SLU7: variants seen among roughly 807,000 people sequenced by gnomAD.
SLU7 encodes spliceosome associated SLU7, also known as pre-mRNA-splicing factor SLU7.
SLU7 carries 60 observed loss-of-function variants against 87.0 expected under a neutral mutation model. That is an observed-to-expected ratio of 0.69 (90% CI 0.56 to 0.86). SLU7 has a LOEUF of 0.86. Ranked by LOEUF, SLU7 falls within the 40% of genes least tolerant of loss-of-function variation. SLU7 has a pLI of 0.00. For synonymous variants in SLU7, 197 were observed against 222.0 expected (o/e 0.89, Z 1.00); for missense variants, 507 against 686.6 (o/e 0.74, Z 2.92).
intron 11 of SLU7, 84 bp from the exon 12 acceptor site, chr5:160,406,713 A>C: frequency 6.3e-6 from 7 of 1,107,524 alleles, no homozygotes; most frequent in Non-Finnish European, 8.9e-6. Context: ...TTCTAATCAG[A>C]AAGAAAGGGA....
intron 6 of SLU7, 78 bp from the exon 7 acceptor site, chr5:160,408,775 GTAT>G (rs927458540): frequency 2.6e-4 from 89 of 336,136 alleles, no homozygotes; most frequent in Admixed American, 5.8e-4. Context: ...AGATAATAAA[GTAT>G]TATTATCTTA....
At position 160,413,478 on chromosome 5, in the gene SLU7, T is replaced by G. The variant is rs201804700; in HGVS notation, c.548A>C (p.Glu183Ala). Residue 183 changes from glutamate to alanine, a missense_variant, in exon 5 of 16, where the codon GAA becomes GCA. By Grantham distance (107) the Glu-to-Ala change is moderately radical. Transcript: ENST00000297151. ...CACCAAATCAACTTTGGCATACTCTTCAACAATTTTCATGTGTTCTTCTGG... is the reference window on the plus strand; with the variant it reads ...CACCAAATCAACTTTGGCATACTCTGCAACAATTTTCATGTGTTCTTCTGG... ...YNPEEHMKIVEEYAKVDLAKR... is the reference protein window; with the variant it reads ...YNPEEHMKIVAEYAKVDLAKR... The G allele has an allele frequency of 1.2e-6, 2 of 1,613,500 alleles. No individual in the cohort carries two copies. The highest frequency in any genetic ancestry group is 1.3e-5 in the African/African-American group (1 of 74,984).
Position 160,407,174 on chromosome 5 carries a change from A to C in SLU7, c.1125+302T>G, listed in dbSNP as rs945290532. Among the ~76,000 whole-genome samples the C allele has an allele frequency of 6.6e-6, 1 of 152,236 alleles. No homozygotes were observed. The highest frequency in any genetic ancestry group is 2.4e-5 in the African/African-American group (1 of 41,470). ...ACAATTAGCCTGTTAACTGCTAAAC[A>C]CAAGAGTGAGGCCATCTTAGTTCAT... On this transcript the variant is annotated intron_variant, in intron 11 of 15. Coordinates refer to ENST00000297151, the MANE Select transcript of SLU7 (RefSeq NM_006425.5). This position sits in a 1 kb window ranked among gnomAD's most constrained non-coding sequence, Gnocchi z 4.2.
chr5:160,414,167 C>A, intron 3 of SLU7, 152 bp downstream of exon 3: 2 of 738,916 alleles, frequency 2.7e-6, no homozygotes, highest in Non-Finnish European at 4.3e-6. Context: ...ATAAGAAACA[C>A]AAAGATAAAA....
Position 160,407,743 on chromosome 5 carries a change from T to C in SLU7, c.985+3A>G. 6.2e-7 allele frequency: 1 copy of C among 1,612,192 alleles called. No homozygotes were observed. Among genetic ancestry groups the C allele is most frequent in the South Asian group, 1.1e-5 (1 of 90,886 alleles). ...AATGGCTTGACATAGAGGAAACACTTACACTGTGTCTGAGCCATTGAAATG... is the reference window on the plus strand; with the variant it reads ...AATGGCTTGACATAGAGGAAACACTCACACTGTGTCTGAGCCATTGAAATG... On this transcript the variant is annotated splice_donor_region_variant and intron_variant, in intron 10 of 15. Coordinates refer to ENST00000297151, the MANE Select transcript of SLU7 (RefSeq NM_006425.5). This position sits in a 1 kb window ranked among gnomAD's most constrained non-coding sequence, Gnocchi z 4.2.
In SLU7 at chr5:160,413,980, C is replaced by A; in HGVS notation, c.325-1G>T. ...TGCGGTACTTAGTAATTATGGAATTCTATAAATATATATAAAGAAAAACAA... is the reference window on the plus strand; with the variant it reads ...TGCGGTACTTAGTAATTATGGAATTATATAAATATATATAAAGAAAAACAA... On this transcript the variant is annotated splice_acceptor_variant, in intron 3 of 15. Coordinates refer to ENST00000297151, the MANE Select transcript of SLU7 (RefSeq NM_006425.5). LOFTEE classifies it high-confidence loss of function. 1 of 1,537,960 alleles carries A rather than the reference C, an allele frequency of 6.5e-7. No homozygotes were observed. The highest frequency in any genetic ancestry group is 1.2e-5 in the South Asian group (1 of 80,038).
At chr5:160,410,863 A>C (rs183147215) in intron 6 of SLU7, among the ~76,000 whole-genome samples, 105 of 135,804 alleles carry the variant, frequency 7.7e-4, no homozygotes, top group African/African-American at 2.5e-3. Context: ...TCAGAGAGGC[A>C]AATTCACTTT....
chr5:160,403,152 G>A lies in SLU7; in HGVS notation c.*133C>T, dbSNP rs1297520102. On this transcript the variant is annotated 3_prime_UTR_variant, in exon 16 of 16. Coordinates refer to ENST00000297151, the MANE Select transcript of SLU7 (RefSeq NM_006425.5). ...GTATGGAAAGGAGTGAACTTACTGT[G>A]AGGCATCTGAAATATTTATTAAAGC... 9 of 574,846 alleles carry A rather than the reference G, an allele frequency of 1.6e-5. No homozygotes were observed. The highest frequency in any genetic ancestry group is 2.6e-5 in the Non-Finnish European group (9 of 349,094). The allele number at this position is 574,846 out of a possible 1,614,324, so 35.6% of individuals were successfully genotyped here. A position where few individuals can be genotyped will look rare whatever the true frequency, so the allele number is the denominator to read the frequency against.
chr5:160,408,927 GAACA>G (rs1380823471), intron 6 of SLU7, among the ~76,000 whole-genome samples: 3 of 148,566 alleles, frequency 2.0e-5, no homozygotes, highest in South Asian at 2.1e-4. Context: ...AATTCTAACT[GAACA>G]AACTCTCACA....
At chr5:160,416,567 A>G (rs1765465352) in intron 1 of SLU7, among the ~76,000 whole-genome samples, 1 of 152,184 alleles carries the variant, frequency 6.6e-6, no homozygotes, top group Non-Finnish European at 1.5e-5. Context: ...TCCCTATCTT[A>G]ATGAAAGACA....
rs373585306 is a variant in SLU7, at chr5:160,403,969, T to C, written c.1581+471A>G. Among the ~76,000 whole-genome samples the C allele has an allele frequency of 9.8e-5, 15 of 152,330 alleles. No individual in the cohort carries two copies. The South Asian group carries it at 3.1e-3, about 32-fold the overall frequency. On this transcript the variant is annotated intron_variant, in intron 15 of 15. Coordinates refer to ENST00000297151, the MANE Select transcript of SLU7 (RefSeq NM_006425.5). ...CTACACCTCACAATATCTCCATTAA[T>C]ATAACTTGAGCAAATCACTCAGACT...
intron 5 of SLU7, among the ~76,000 whole-genome samples, chr5:160,413,177 C>G (rs1157337895): frequency 6.6e-6 from 1 of 152,148 alleles, no homozygotes; most frequent in Non-Finnish European, 1.5e-5. Flanking sequence ...GCTTTGGACA[C>G]TAATCTGTCT....
rs375070263 is a variant in SLU7 at position 160,405,134 on chromosome 5, T to C, written c.1289A>G (p.His430Arg). 2 of 1,605,798 alleles carry C rather than the reference T, an allele frequency of 1.2e-6. No homozygotes were observed. The highest frequency in any genetic ancestry group is 1.1e-5 in the South Asian group (1 of 90,664). ...EEDVKIHNHT[H>R]IWGSYWKEGR... Reference sequence around the variant, plus strand: ...TTCTTTCCAGTACGATCCCCAGATATGCTGCAGAGAGAGAAATTAAAAAGC... The same window carrying C: ...TTCTTTCCAGTACGATCCCCAGATACGCTGCAGAGAGAGAAATTAAAAAGC... Residue 430 changes from histidine to arginine, a missense_variant and splice_region_variant, in exon 13 of 16, where the codon CAT (histidine) becomes CGT (arginine). This residue lies in a region of SLU7 where 201 missense variants were observed against 213.4 expected (regional missense o/e 0.94). Coordinates refer to ENST00000297151, the MANE Select transcript of SLU7 (RefSeq NM_006425.5).
In SLU7 at chr5:160,413,574, G is replaced by GA; in HGVS notation, c.451_452insT (p.Pro151LeufsTer3). The GA allele has an allele frequency of 6.2e-7, 1 of 1,613,840 alleles. No homozygotes were observed. Among genetic ancestry groups the GA allele is most frequent in the African/African-American group, 1.3e-5 (1 of 75,012 alleles). ...CAGTTGAGGCTGGACATGTTCATCT[G>GA]GAGCTATATTAGTACCTGTAAATTT... On this transcript the variant is annotated frameshift_variant, in exon 5 of 16. Coordinates refer to ENST00000297151, the MANE Select transcript of SLU7 (RefSeq NM_006425.5). LOFTEE classifies it high-confidence loss of function.
rs1349744987 is a variant in SLU7 at position 160,402,643 on chromosome 5, A to G, written c.*642T>C. 2.0e-5 allele frequency: 3 copies of G among 152,214 alleles called. No individual in the cohort carries two copies. The highest frequency in any genetic ancestry group is 4.4e-5 in the Non-Finnish European group (3 of 68,038). The allele number at this position is 152,214 out of a possible 1,614,324, so 9.4% of individuals were successfully genotyped here. A position where few individuals can be genotyped will look rare whatever the true frequency, so the allele number is the denominator to read the frequency against. ...ATAGGGCCACAAAAATCGAAGCAAT[A>G]AAGTTTGAAGCTTAATAAATACAGA... On this transcript the variant is annotated 3_prime_UTR_variant, in exon 16 of 16. Transcript: ENST00000297151.
intron 1 of SLU7, among the ~76,000 whole-genome samples, chr5:160,418,400 A>T (rs1402543581): frequency 3.9e-5 from 6 of 152,218 alleles, no homozygotes; most frequent in Admixed American, 3.9e-4. Flanking sequence ...CTAAACCAGT[A>T]TGTTATACTT....
At chr5:160,411,244 T>TTGACTGAC (rs1765223038) in intron 6 of SLU7, among the ~76,000 whole-genome samples, 1 of 151,700 alleles carries the variant, frequency 6.6e-6, no homozygotes, top group Admixed American at 6.6e-5. Context: ...GATTGACTGA[T>TTGACTGAC]TGATTGAGAT....
intron 6 of SLU7, among the ~76,000 whole-genome samples, chr5:160,410,717 T>A (rs1765195844): frequency 1.3e-5 from 2 of 152,130 alleles, no homozygotes; most frequent in Non-Finnish European, 2.9e-5. Context: ...CTTTTTCTTT[T>A]CCCAAAGTTA....
At chr5:160,409,137 T>C (rs1765132393) in intron 6 of SLU7, among the ~76,000 whole-genome samples, 1 of 152,048 alleles carries the variant, frequency 6.6e-6, no homozygotes, top group African/African-American at 2.4e-5. Flanking sequence ...TCTTCAGACA[T>C]ACTGTATTCA....
Sources: gnomAD v4.1 joint callset for allele counts (sites outside exome capture counted in the v4.1 genomes callset) on GRCh38, gnomAD v4.1.1 for gene constraint, gnomAD v4.1.1 regional missense constraint, Gnocchi (gnomAD v3.1) non-coding constraint, MANE v1.5 for transcripts, NCBI Gene and HGNC (gene_info 2026-07-23, HGNC 2026-07-21) for gene names.